SPIDR: variants seen among roughly 807,000 people sequenced by gnomAD.
SPIDR encodes the protein DNA repair-scaffolding protein.
A neutral mutation model predicts 104.6 loss-of-function variants in SPIDR; 93 were observed. That is an observed-to-expected ratio of 0.89 (90% confidence interval 0.75 to 1.06). The LOEUF (loss-of-function observed/expected upper bound fraction) is 1.06. SPIDR is among the 50% of genes least tolerant of loss of function. The pLI is 0.00. For missense variants in SPIDR, 1,154 were observed against 1,111.2 expected (o/e 1.04, Z -0.55); for synonymous variants, 431 against 416.9 (o/e 1.03, Z -0.41).
chr8:47,299,888 T>C (rs1322406994), intron 5 of SPIDR, among the ~76,000 whole-genome samples: 139 of 152,334 alleles, frequency 9.1e-4, no homozygotes, highest in Middle Eastern at 3.4e-3. Flanking sequence ...TCGATGTTCA[T>C]CAGGGATATT....
intron 10 of SPIDR, among the ~76,000 whole-genome samples, chr8:47,603,781 C>T (rs2062603655): frequency 6.6e-6 from 1 of 152,144 alleles, no homozygotes. Context: ...AGAGTTAGTC[C>T]TTTGCAAGAG....
chr8:47,729,492 G>T (rs1440930129), intron 19 of SPIDR, 27 bp downstream of exon 19: 1 of 1,581,734 alleles, frequency 6.3e-7, no homozygotes, highest in South Asian at 1.2e-5. Context: ...CAGCCCAGGG[G>T]GCCGCACACT....
chr8:47,682,463 C>T (rs542033708), intron 11 of SPIDR, among the ~76,000 whole-genome samples: 1 of 152,234 alleles, frequency 6.6e-6, no homozygotes, highest in East Asian at 1.9e-4. Context: ...GTAGTGTGTG[C>T]ACAACATTCT....
At chr8:47,594,786 G>T (rs1215519420) in intron 8 of SPIDR, among the ~76,000 whole-genome samples, 1 of 152,082 alleles carries the variant, frequency 6.6e-6, no homozygotes, top group Non-Finnish European at 1.5e-5. Context: ...TTGAAGTCAG[G>T]AGTTTGAGAC....
intron 10 of SPIDR, 79 bp downstream of exon 10, chr8:47,599,275 C>T (rs1018718919): frequency 1.3e-5 from 20 of 1,551,712 alleles, no homozygotes; most frequent in Non-Finnish European, 1.8e-5. Flanking sequence ...AGCCTCTTCT[C>T]AGAGCACGTT....
intron 11 of SPIDR, chr8:47,688,415 C>G (rs1160663597): frequency 6.6e-6 from 1 of 152,396 alleles, no homozygotes; most frequent in Non-Finnish European, 1.5e-5. Flanking sequence ...AGCCACCACG[C>G]CCGGCCGTGT....
chr8:47,416,102 G>T (rs1391679447), intron 7 of SPIDR, among the ~76,000 whole-genome samples: 1 of 152,184 alleles, frequency 6.6e-6, no homozygotes, highest in Non-Finnish European at 1.5e-5. Flanking sequence ...AAATTAGCCA[G>T]GTGTGGTGGC....
intron 5 of SPIDR, among the ~76,000 whole-genome samples, chr8:47,373,555 T>C (rs1183740633): frequency 6.6e-6 from 1 of 152,168 alleles, no homozygotes; most frequent in Non-Finnish European, 1.5e-5. Flanking sequence ...GTGCAGAACA[T>C]GCAGTTTTGT....
At position 47,642,705 on chromosome 8, in the gene SPIDR, C is replaced by CT. The variant is rs528435227; in HGVS notation, c.1545-31095dup. Among the ~76,000 whole-genome samples, 249 of 152,010 alleles carry CT rather than the reference C, an allele frequency of 1.6e-3. 1 individual carries two copies. The highest frequency in any genetic ancestry group is 5.9e-3 in the African/African-American group (244 of 41,500). ...AGGAGGATTGCTTGAAGCCAGGAGT[C>CT]TGAGACCAGCCTGGGCAACAAAGTG... On this transcript the variant is annotated intron_variant, in intron 10 of 19. Transcript: ENST00000297423.
At chr8:47,478,310 A>T (rs545380618) in intron 8 of SPIDR, among the ~76,000 whole-genome samples, 27 of 152,222 alleles carry the variant, frequency 1.8e-4, no homozygotes, top group Non-Finnish European at 3.5e-4. Context: ...ATTAACCAGC[A>T]GCAAGAAGGG....
chr8:47,726,497 A>G (rs1001681766), intron 16 of SPIDR, among the ~76,000 whole-genome samples: 1 of 152,352 alleles, frequency 6.6e-6, no homozygotes, highest in Non-Finnish European at 1.5e-5. Context: ...AATGCTTCAC[A>G]TCCAAGAAAA....
intron 16 of SPIDR, among the ~76,000 whole-genome samples, chr8:47,715,166 T>TTTTTTG (rs753353329): frequency 3.2e-4 from 45 of 139,210 alleles, no homozygotes; most frequent in African/African-American, 6.4e-4. Flanking sequence ...TTTGGGGGGG[T>TTTTTTG]TTTTTGTTTT....
chr8:47,541,943 A>G (rs2088248156), intron 8 of SPIDR, among the ~76,000 whole-genome samples: 1 of 152,074 alleles, frequency 6.6e-6, no homozygotes. Context: ...AAAAATAAAT[A>G]TGTTTATACT....
intron 6 of SPIDR, among the ~76,000 whole-genome samples, chr8:47,407,220 C>G (rs1274354374): frequency 6.6e-6 from 1 of 152,190 alleles, no homozygotes; most frequent in Non-Finnish European, 1.5e-5. Context: ...TATAAATTGT[C>G]TTTCTGCTAT....
chr8:47,674,063 A>G (rs987157159), intron 11 of SPIDR, 122 bp downstream of exon 11: 1 of 1,284,408 alleles, frequency 7.8e-7, no homozygotes, highest in East Asian at 2.6e-5. Context: ...GAGTTTGCCC[A>G]TAAAACAAGG....
At chr8:47,691,120 C>T (rs1395594130) in intron 11 of SPIDR, among the ~76,000 whole-genome samples, 1 of 151,468 alleles carries the variant, frequency 6.6e-6, no homozygotes, top group African/African-American at 2.4e-5. Context: ...GGCAAAACCC[C>T]ATCTCTACTA....
chr8:47,533,132 TAGAAA>T (rs1015123742), intron 8 of SPIDR, among the ~76,000 whole-genome samples: 1 of 151,818 alleles, frequency 6.6e-6, no homozygotes, highest in Non-Finnish European at 1.5e-5. Flanking sequence ...ATGTACACAA[TAGAAA>T]AGAAAAAATA....
At position 47,634,094 on chromosome 8, in the gene SPIDR, CAAA is replaced by C. The variant is rs796453026; in HGVS notation, c.1544+34912_1544+34914del. 7.5e-3 allele frequency among the ~76,000 whole-genome samples: 590 copies of C among 79,020 alleles called. 3 individuals are homozygous for C. The highest frequency in any genetic ancestry group is 0.05 in the Middle Eastern group (6 of 120). The allele number at this position is 79,020 out of a possible 152,430, so 51.8% of individuals were successfully genotyped here. A position where few individuals can be genotyped will look rare whatever the true frequency, so the allele number is the denominator to read the frequency against. On this transcript the variant is annotated intron_variant, in intron 10 of 19. Coordinates refer to ENST00000297423, the MANE Select transcript of SPIDR (RefSeq NM_001080394.4). ...TGCGTGACAGAGTAAGACCCTGTCT[CAAA>C]AAAAAAAAAAAAAGAATTACCGTGA... is the stretch of plus-strand genomic sequence containing the variant.
intron 14 of SPIDR, among the ~76,000 whole-genome samples, chr8:47,711,682 A>G (rs749866952): frequency 1.3e-5 from 2 of 151,950 alleles, no homozygotes; most frequent in Non-Finnish European, 2.9e-5. Context: ...CTATATTTCT[A>G]TCTATCTAAA....
Sources: gnomAD v4.1 joint callset for allele counts (sites outside exome capture counted in the v4.1 genomes callset) on GRCh38, gnomAD v4.1.1 for gene constraint, MANE v1.5 for transcripts, NCBI Gene and HGNC (gene_info 2026-07-23, HGNC 2026-07-21) for gene names.